Variants in ST6GALNAC4 observed in about 807,000 individuals in gnomAD.
The protein encoded by ST6GALNAC4 is alpha-N-acetyl-neuraminyl-2,3-beta-galactosyl-1,3-N-acetyl-galactosaminide alpha-2,6-sialyltransferase.
A neutral mutation model predicts 30.4 loss-of-function variants in ST6GALNAC4; 24 were observed. The ratio of observed to expected loss-of-function variants is 0.79; its 90% CI spans 0.57 to 1.11. ST6GALNAC4 has a LOEUF of 1.11. Among genes scored for constraint, ST6GALNAC4 ranks in the 50% most tolerant of loss-of-function variants. The pLI is 0.00. For synonymous variants in ST6GALNAC4, 156 were observed against 179.7 expected, an observed-to-expected ratio of 0.87 and a Z score of 1.05; for missense variants, 365 against 430.1, an observed-to-expected ratio of 0.85 and a Z score of 1.34.
Position 127,914,770 on chromosome 9 carries a change from G to A in ST6GALNAC4, c.84C>T (p.Ala28=), listed in dbSNP as rs993620970. The change falls in exon 3 of 6, where the codon GCC becomes GCT. Residue 28 remains alanine, a synonymous_variant. Coordinates refer to ENST00000335791, the MANE Select transcript of ST6GALNAC4 (RefSeq NM_175039.4). ...SAVYILLCCW[A]GLPLCLATCL... is the part of the protein sequence containing the mutation. ...AGGTGGCCAGGCAGAGGGGCAGGCC[G>A]GCCCAGCAGCACAGGAGGATGTAGA... is the stretch of plus-strand genomic sequence containing the variant. The A allele has an allele frequency of 6.2e-6, 10 of 1,604,676 alleles. No homozygotes were observed. Among genetic ancestry groups the A allele is most frequent in the Non-Finnish European group, 7.7e-6 (9 of 1,175,650 alleles).
At chr9:127,909,921 T>C in intron 5 of ST6GALNAC4, 30 bp downstream of exon 5, 2 of 1,607,144 alleles carry the variant, frequency 1.2e-6, no homozygotes, top group Non-Finnish European at 1.7e-6. Context: ...CCTCCCCGCG[T>C]CCCCGCGTGC....
Position 127,913,656 on chromosome 9 carries a change from C to T in ST6GALNAC4, c.199-976G>A, listed in dbSNP as rs530677200. The stretch of plus-strand genomic sequence containing the variant: ...AAAGAAAACAACATCTGGCCGGGCA[C>T]GGTGGCTCACACCTGTAATCCCAGC... On this transcript the variant is annotated intron_variant, in intron 3 of 5. Transcript: ENST00000335791. Among the ~76,000 whole-genome samples, 7 of 152,024 alleles carry T rather than the reference C, an allele frequency of 4.6e-5. No homozygotes were observed. In the South Asian group the frequency reaches 6.2e-4, roughly 14 times the overall value.
chr9:127,915,952 G>C (rs984134885), intron 2 of ST6GALNAC4: 2 of 164,058 alleles, frequency 1.2e-5, no homozygotes, highest in Non-Finnish European at 2.6e-5. Flanking sequence ...CTAAAAATAA[G>C]TCTTTTCTGT....
At position 127,912,348 on chromosome 9, in the gene ST6GALNAC4, G is replaced by A. The variant is rs775418382; in HGVS notation, c.531C>T (p.Pro177=). The change falls in exon 4 of 6, where the codon CCC becomes CCT. Residue 177 remains proline, a synonymous_variant. Coordinates refer to ENST00000335791, the MANE Select transcript of ST6GALNAC4 (RefSeq NM_175039.4). ...RTLLQLTRMY[P]GLQVYTFTER... ...CCGTGAAGGTGTACACCTGCAGGCC[G>A]GGGTACATCCTGGTGAGCTGCAGCA... 91 of 1,613,982 alleles carry A rather than the reference G, an allele frequency of 5.6e-5. 1 individual carries two copies. Among genetic ancestry groups the A allele is most frequent in the South Asian group, 2.7e-4 (25 of 91,084 alleles).
intron 3 of ST6GALNAC4, among the ~76,000 whole-genome samples, chr9:127,913,539 T>G (rs994487139): frequency 1.3e-5 from 2 of 151,974 alleles, no homozygotes; most frequent in African/African-American, 4.8e-5. Context: ...GAGCCGAGAT[T>G]GCGCCACTGT....
intron 5 of ST6GALNAC4, among the ~76,000 whole-genome samples, chr9:127,909,312 C>A (rs1831015632): frequency 6.6e-6 from 1 of 151,470 alleles, no homozygotes. Context: ...TCGCTTGAAC[C>A]CGGGAGGTGG....
At chr9:127,913,517 G>A (rs948107928) in intron 3 of ST6GALNAC4, among the ~76,000 whole-genome samples, 2 of 152,172 alleles carry the variant, frequency 1.3e-5, no homozygotes, top group Non-Finnish European at 2.9e-5. Flanking sequence ...CCTGGGAGGC[G>A]GAGGTTGCAG....
chr9:127,913,701 G>A (rs1831129491), intron 3 of ST6GALNAC4, among the ~76,000 whole-genome samples: 1 of 152,206 alleles, frequency 6.6e-6, no homozygotes, highest in African/African-American at 2.4e-5. Flanking sequence ...GGCCAAGGTG[G>A]GTGGATCACT....
At chr9:127,916,265 G>A in intron 2 of ST6GALNAC4, 143 bp downstream of exon 2, 1 of 1,085,036 alleles carries the variant, frequency 9.2e-7, no homozygotes, top group Admixed American at 1.8e-5. Context: ...GAACAGGGTT[G>A]GACTTTGAGG....
chr9:127,912,585 C>T lies in ST6GALNAC4; in HGVS notation c.294G>A (p.Glu98=), dbSNP rs1386765311. ...SGLGAEIDSA[E]CVFRMNQAPT... ...GCGCCTGGTTCATGCGGAACACGCA[C>T]TCGGCACTGTCGATCTCAGCACCCA... The change falls in exon 4 of 6, where the codon GAG becomes GAA. Residue 98 remains glutamate, a synonymous_variant. Transcript: ENST00000335791. The T allele has an allele frequency of 5.6e-6, 9 of 1,611,472 alleles. No homozygotes were observed. The highest frequency in any genetic ancestry group is 2.2e-5 in the East Asian group (1 of 44,886).
In ST6GALNAC4 at chr9:127,912,265, C is replaced by T. The variant is rs545164834; in HGVS notation, c.611+3G>A. The T allele has an allele frequency of 2.5e-6, 4 of 1,603,676 alleles. No homozygotes were observed. The highest frequency in any genetic ancestry group is 2.6e-6 in the Non-Finnish European group (3 of 1,173,494). ...GACCCCAGCAGGCAGGCCCCAGGCT[C>T]ACCGGTTCTTGCCCGTCTCGTCCTG... On this transcript the variant is annotated splice_donor_region_variant and intron_variant, in intron 4 of 5. Coordinates refer to ENST00000335791, the MANE Select transcript of ST6GALNAC4 (RefSeq NM_175039.4).
intron 3 of ST6GALNAC4, among the ~76,000 whole-genome samples, 188 bp from the exon 4 acceptor site, chr9:127,912,868 G>C (rs532196394): frequency 3.9e-5 from 6 of 152,298 alleles, no homozygotes; most frequent in Non-Finnish European, 7.3e-5. Context: ...CCCAGTGTCA[G>C]AGCTAAGGTT....
chr9:127,910,263 G>A lies in ST6GALNAC4; in HGVS notation c.612-205C>T, dbSNP rs945487035. On this transcript the variant is annotated intron_variant, in intron 4 of 5. Transcript: ENST00000335791. ...CAGAGCGGCACACAAACCCAGGCCT[G>A]ATCACCTCCTCAGCACCCAGCGGGG... is the stretch of plus-strand genomic sequence containing the variant. 17 of 1,370,032 alleles carry A rather than the reference G, an allele frequency of 1.2e-5. No individual in the cohort carries two copies. The African/African-American group carries it at 2.4e-4, about 19-fold the overall frequency. The allele number at this position is 1,370,032 out of a possible 1,614,324, so 84.9% of individuals were successfully genotyped here. A position where few individuals can be genotyped will look rare whatever the true frequency, so the allele number is the denominator to read the frequency against.
intron 5 of ST6GALNAC4, among the ~76,000 whole-genome samples, chr9:127,909,009 G>A (rs755638013): frequency 7.2e-5 from 11 of 152,170 alleles, no homozygotes; most frequent in Admixed American, 1.3e-4. Context: ...GGGGCCAGCC[G>A]TATGGCCAGG....
chr9:127,908,458 C>A lies in ST6GALNAC4; in HGVS notation c.843G>T (p.Ala281=), dbSNP rs752120234. The A allele has an allele frequency of 1.2e-6, 2 of 1,606,182 alleles. No individual in the cohort carries two copies. Among genetic ancestry groups the A allele is most frequent in the Non-Finnish European group, 1.7e-6 (2 of 1,174,118 alleles). The change falls in exon 6 of 6, where the codon GCG becomes GCT. Residue 281 remains alanine (A), a synonymous_variant. Coordinates refer to ENST00000335791, the MANE Select transcript of ST6GALNAC4 (RefSeq NM_175039.4). ...TCTTCTTGGCCCAGCGGGAGAAGAC[C>A]GCCTTCTCAGTGATGAAGCGGTGGG... ...RSAHRFITEK[A]VFSRWAKKRP... is the part of the protein sequence containing the mutation.
At position 127,909,467 on chromosome 9, in the gene ST6GALNAC4, CTGG is replaced by C. The variant is rs1279530980; in HGVS notation, c.719+481_719+483del. Among the ~76,000 whole-genome samples, 7 of 150,288 alleles carry C rather than the reference CTGG, an allele frequency of 4.7e-5. No individual in the cohort carries two copies. In the East Asian group the frequency reaches 1.4e-3, roughly 29 times the overall value. On this transcript the variant is annotated intron_variant, in intron 5 of 5. Coordinates refer to ENST00000335791, the MANE Select transcript of ST6GALNAC4 (RefSeq NM_175039.4). ...AAACATATCTGAACTTGATATCATG[CTGG>C]TATTATAATATCAAATATTATATAA... is the stretch of plus-strand genomic sequence containing the variant.
At position 127,910,148 on chromosome 9, in the gene ST6GALNAC4, C is replaced by T. The variant is rs546299821; in HGVS notation, c.612-90G>A. 78 of 1,438,842 alleles carry T rather than the reference C, an allele frequency of 5.4e-5. 2 individuals are homozygous for T. In the African/African-American group the frequency reaches 7.4e-4, roughly 14 times the overall value. The allele number at this position is 1,438,842 out of a possible 1,614,324, so 89.1% of individuals were successfully genotyped here. A position where few individuals can be genotyped will look rare whatever the true frequency, so the allele number is the denominator to read the frequency against. ...AGCAGCACTTGGTACTTTGCCAGCC[C>T]GGGGCTATGCACCTCAACCTCTTGC... On this transcript the variant is annotated intron_variant, in intron 4 of 5. Coordinates refer to ENST00000335791, the MANE Select transcript of ST6GALNAC4 (RefSeq NM_175039.4).
intron 2 of ST6GALNAC4, among the ~76,000 whole-genome samples, chr9:127,915,339 C>T (rs1206487994): frequency 6.6e-6 from 1 of 152,078 alleles, no homozygotes; most frequent in Non-Finnish European, 1.5e-5. Context: ...GAAAGTGGTG[C>T]CTCAGAAGGG....
chr9:127,910,953 CCTT>C (rs1234354787), intron 4 of ST6GALNAC4, among the ~76,000 whole-genome samples: 1 of 152,174 alleles, frequency 6.6e-6, no homozygotes, highest in Non-Finnish European at 1.5e-5. Flanking sequence ...GGGAGGCACT[CCTT>C]CTGATGGGGT....
Sources: gnomAD v4.1 joint callset for allele counts (sites outside exome capture counted in the v4.1 genomes callset) on GRCh38, gnomAD v4.1.1 for gene constraint, MANE v1.5 for transcripts, NCBI Gene and HGNC (gene_info 2026-07-23, HGNC 2026-07-21) for gene names.